The following NEGR1 variants were observed in gnomAD, a reference collection of about 807,000 sequenced individuals.
NEGR1 encodes IgLON family member 4.
In NEGR1, 10 loss-of-function variants were observed where a neutral mutation model predicts 40.9. The observed-to-expected ratio is 0.24, with a 90% CI of 0.15 to 0.42. The LOEUF (loss-of-function observed/expected upper bound fraction) is 0.42, where lower values mean the gene tolerates loss of function less well. Among genes scored for constraint, NEGR1 ranks in the 10% least tolerant of loss-of-function variants. The probability of loss-of-function intolerance (pLI) is 1.00; values close to 1 mark genes in which losing one functional copy is unlikely to be tolerated. For synonymous variants in NEGR1, 185 were observed against 166.8 expected (o/e 1.11, Z -0.84); for missense variants, 352 against 438.9 (o/e 0.80, Z 1.77).
At chr1:71,689,467 C>T (rs1161547858) in intron 4 of NEGR1, among the ~76,000 whole-genome samples, 4 of 152,060 alleles carry the variant, frequency 2.6e-5, no homozygotes, top group Admixed American at 1.3e-4. Flanking sequence ...AAACAGAATT[C>T]GGATCTTCTG....
intron 1 of NEGR1, among the ~76,000 whole-genome samples, chr1:72,174,791 C>G (rs568393913): frequency 6.6e-6 from 1 of 151,992 alleles, no homozygotes; most frequent in Admixed American, 6.5e-5. Context: ...CGGCTTTATG[C>G]CTCTATAACA....
At chr1:71,508,738 CG>C (rs1248426248) in intron 6 of NEGR1, among the ~76,000 whole-genome samples, 1 of 152,096 alleles carries the variant, frequency 6.6e-6, no homozygotes, top group Non-Finnish European at 1.5e-5. Flanking sequence ...ACAGTAAACA[CG>C]GGGTGGGTAA....
intron 2 of NEGR1, among the ~76,000 whole-genome samples, chr1:71,926,247 C>G (rs1645771317): frequency 6.6e-6 from 1 of 151,788 alleles, no homozygotes. Flanking sequence ...CCTTAGTCTC[C>G]AAATGAATAA....
At chr1:72,001,250 T>C (rs1646555536) in intron 1 of NEGR1, among the ~76,000 whole-genome samples, 1 of 152,032 alleles carries the variant, frequency 6.6e-6, no homozygotes, top group African/African-American at 2.4e-5. Context: ...TCTCTCTTTC[T>C]TTCCCTTATT....
chr1:71,439,592 G>C (rs1646533304), intron 6 of NEGR1: 1 of 152,106 alleles, frequency 6.6e-6, no homozygotes. Flanking sequence ...TGAACTCCTG[G>C]CCTCCAGGAA....
At chr1:72,122,849 G>C (rs978669748) in intron 1 of NEGR1, among the ~76,000 whole-genome samples, 10 of 151,868 alleles carry the variant, frequency 6.6e-5, no homozygotes, top group Admixed American at 2.6e-4. Flanking sequence ...AGGTCTAGCA[G>C]CAGTGTTAGA....
intron 1 of NEGR1, among the ~76,000 whole-genome samples, chr1:72,123,815 A>G (rs1339477623): frequency 6.6e-6 from 1 of 152,024 alleles, no homozygotes; most frequent in Non-Finnish European, 1.5e-5. Context: ...CAAGTTTCTG[A>G]GCACTGAACA....
chr1:71,935,381 G>A, intron 1 of NEGR1, 70 bp from the exon 2 acceptor site: 2 of 1,139,708 alleles, frequency 1.8e-6, no homozygotes, highest in South Asian at 1.3e-5. Context: ...TTTGTTCTGA[G>A]TGTTTTTTTC....
At chr1:72,275,080 G>T in intron 1 of NEGR1, 1 of 1,014,948 alleles carries the variant, frequency 9.9e-7, no homozygotes, top group South Asian at 1.3e-5. Flanking sequence ...TAGCACCAGT[G>T]ACCTCCTGAT....
intron 6 of NEGR1, among the ~76,000 whole-genome samples, chr1:71,541,995 T>G (rs1397703784): frequency 6.6e-6 from 1 of 151,736 alleles, no homozygotes; most frequent in Non-Finnish European, 1.5e-5. Context: ...CAAGAGTGAA[T>G]AAGAAATTCT....
chr1:71,767,381 C>A (rs984085039), intron 3 of NEGR1, among the ~76,000 whole-genome samples: 10 of 152,116 alleles, frequency 6.6e-5, no homozygotes, highest in African/African-American at 2.2e-4. Flanking sequence ...CTGTATTGTG[C>A]CCCTGCTCTA....
chr1:72,170,124 C>G (rs1651907998), intron 1 of NEGR1, among the ~76,000 whole-genome samples: 1 of 152,070 alleles, frequency 6.6e-6, no homozygotes. Context: ...AAATCTTTCT[C>G]CTGTTTTAGA....
intron 2 of NEGR1, among the ~76,000 whole-genome samples, chr1:71,779,961 C>T (rs927882327): frequency 5.7e-5 from 8 of 140,190 alleles, no homozygotes; most frequent in South Asian, 2.2e-4. Flanking sequence ...TCAGCTCTGT[C>T]GTCAGAATAA....
At chr1:71,485,370 T>A (rs1310858139) in intron 6 of NEGR1, among the ~76,000 whole-genome samples, 1 of 151,552 alleles carries the variant, frequency 6.6e-6, no homozygotes, top group Non-Finnish European at 1.5e-5. Flanking sequence ...ATGCATAGAA[T>A]CCCCGATTAT....
rs115851133 is a variant in NEGR1, at chr1:72,196,680, C to T, written c.176+85639G>A. Among the ~76,000 whole-genome samples, 568 of 103,104 alleles carry T rather than the reference C, an allele frequency of 5.5e-3. 5 individuals carry two copies. The highest frequency in any genetic ancestry group is 0.021 in the African/African-American group (545 of 25,528). 67.6% of individuals were successfully genotyped at this position (103,104 alleles called of 152,430 possible). On this transcript the variant is annotated intron_variant, in intron 1 of 6. Coordinates refer to ENST00000357731, the MANE Select transcript of NEGR1 (RefSeq NM_173808.3). ...AGTTACAAGTGATCAAGGATGATCA[C>T]TTGAACCGGGGTGGCTGAGATTGTA...
At chr1:71,988,596 A>G (rs1279918900) in intron 1 of NEGR1, among the ~76,000 whole-genome samples, 1 of 151,334 alleles carries the variant, frequency 6.6e-6, no homozygotes, top group Admixed American at 6.6e-5. Flanking sequence ...TAAGACAGAA[A>G]ATAGAAACAT....
rs79812645 is a variant in NEGR1, at chr1:71,956,127, A to G, written c.177-20816T>C. Among the ~76,000 whole-genome samples, 1,210 of 152,254 alleles carry G rather than the reference A, an allele frequency of 7.9e-3. 9 individuals carry two copies. The highest frequency in any genetic ancestry group is 0.071 in the Middle Eastern group (21 of 294). ...CCATATGCTATTCCAACAAACTGAT[A>G]TATTCTTTCTGATTTATTACAGTAC... On this transcript the variant is annotated intron_variant, in intron 1 of 6. Coordinates refer to ENST00000357731, the MANE Select transcript of NEGR1 (RefSeq NM_173808.3).
At chr1:71,805,695 T>G (rs1657743911) in intron 2 of NEGR1, among the ~76,000 whole-genome samples, 1 of 152,218 alleles carries the variant, frequency 6.6e-6, no homozygotes, top group Non-Finnish European at 1.5e-5. Context: ...TTCTCTTATT[T>G]CTTTTGTTAA....
chr1:72,174,393 C>A (rs537510482), intron 1 of NEGR1, among the ~76,000 whole-genome samples: 1 of 152,226 alleles, frequency 6.6e-6, no homozygotes, highest in South Asian at 2.1e-4. Context: ...GTTGGAGATT[C>A]TATATGTTTG....
Sources: gnomAD v4.1 joint callset for allele counts (sites outside exome capture counted in the v4.1 genomes callset) on GRCh38, gnomAD v4.1.1 for gene constraint, MANE v1.5 for transcripts, NCBI Gene and HGNC (gene_info 2026-07-23, HGNC 2026-07-21) for gene names.